CDH12: variants seen among roughly 807,000 people sequenced by gnomAD.
The protein encoded by CDH12 is cadherin-12.
A neutral mutation model predicts 74.1 loss-of-function variants in CDH12; 41 were observed. That is an observed-to-expected ratio of 0.55 (90% CI 0.43 to 0.72). The LOEUF (loss-of-function observed/expected upper bound fraction) is 0.72, where lower values mean the gene tolerates loss of function less well. CDH12 is among the 30% of genes least tolerant of loss of function. The pLI is 0.00. For synonymous variants in CDH12, 399 were observed against 355.0 expected, an observed-to-expected ratio of 1.12 and a Z score of -1.39; for missense variants, 945 against 977.2, an observed-to-expected ratio of 0.97 and a Z score of 0.44.
At chr5:22,573,993 T>C (rs1739659427) in intron 1 of CDH12, among the ~76,000 whole-genome samples, 1 of 151,864 alleles carries the variant, frequency 6.6e-6, no homozygotes, top group South Asian at 2.1e-4. Context: ...TTTGCTGTGG[T>C]CTCCTGTGCA....
chr5:22,718,878 C>T (rs549001601), intron 1 of CDH12, among the ~76,000 whole-genome samples: 13 of 152,298 alleles, frequency 8.5e-5, no homozygotes, highest in Non-Finnish European at 1.5e-4. Context: ...GGGAGAATGA[C>T]TGGAAGCTCT....
intron 2 of CDH12, among the ~76,000 whole-genome samples, chr5:22,443,376 T>C (rs1263588314): frequency 2.6e-5 from 4 of 152,144 alleles, no homozygotes; most frequent in African/African-American, 7.2e-5. Context: ...GATAAGCTCA[T>C]AGTGACTTGT....
chr5:22,808,762 G>GT (rs70959757), intron 1 of CDH12, among the ~76,000 whole-genome samples: 39 of 41,726 alleles, frequency 9.3e-4, no homozygotes, highest in East Asian at 4.0e-3. Context: ...ACCACACCTG[G>GT]TTTTTTTTTT....
chr5:21,952,068 T>C (rs1049750021), intron 6 of CDH12, among the ~76,000 whole-genome samples: 17 of 152,242 alleles, frequency 1.1e-4, no homozygotes, highest in African/African-American at 4.1e-4. Context: ...AGGCAGTTTA[T>C]GTAAATCATC....
At chr5:22,737,452 C>A (rs189505770) in intron 1 of CDH12, among the ~76,000 whole-genome samples, 4 of 151,932 alleles carry the variant, frequency 2.6e-5, no homozygotes, top group Admixed American at 2.6e-4. Context: ...ACTGATTTAA[C>A]TGATTAAAAG....
intron 2 of CDH12, among the ~76,000 whole-genome samples, chr5:22,417,368 G>C (rs1458442962): frequency 6.6e-6 from 1 of 152,140 alleles, no homozygotes; most frequent in Non-Finnish European, 1.5e-5. Context: ...CAATTACTGG[G>C]GGACTGGATA....
chr5:21,840,334 G>A (rs929858790), intron 8 of CDH12, among the ~76,000 whole-genome samples: 1 of 151,930 alleles, frequency 6.6e-6, no homozygotes, highest in Non-Finnish European at 1.5e-5. Context: ...AAAATTGATA[G>A]CATAAGACCA....
At chr5:22,801,850 T>G (rs1404917853) in intron 1 of CDH12, among the ~76,000 whole-genome samples, 6 of 151,392 alleles carry the variant, frequency 4.0e-5, no homozygotes, top group African/African-American at 1.5e-4. Context: ...TCAGTTTGCT[T>G]GGGCCATTTT....
At chr5:22,302,789 T>G in intron 3 of CDH12, among the ~76,000 whole-genome samples, 1 of 152,070 alleles carries the variant, frequency 6.6e-6, no homozygotes, top group East Asian at 1.9e-4. Flanking sequence ...TGAAAGAGAA[T>G]AATTCTTTAA....
chr5:22,696,744 AC>A (rs1338783934), intron 1 of CDH12, among the ~76,000 whole-genome samples: 1 of 152,104 alleles, frequency 6.6e-6, no homozygotes, highest in Non-Finnish European at 1.5e-5. Flanking sequence ...ACCAATACAT[AC>A]TTCAGTATGC....
chr5:22,174,653 C>T (rs564891717), intron 4 of CDH12, among the ~76,000 whole-genome samples: 130 of 151,886 alleles, frequency 8.6e-4, no homozygotes, highest in East Asian at 2.3e-3. Context: ...AAGTGAACCA[C>T]GGGAATCAGT....
intron 1 of CDH12, among the ~76,000 whole-genome samples, chr5:22,753,922 C>T (rs1056082330): frequency 6.6e-5 from 10 of 152,184 alleles, no homozygotes; most frequent in African/African-American, 2.4e-4. Context: ...ATTATTATGC[C>T]TATTCCTTCA....
chr5:22,345,034 G>C (rs749912475), intron 3 of CDH12, among the ~76,000 whole-genome samples: 1 of 152,236 alleles, frequency 6.6e-6, no homozygotes, highest in East Asian at 1.9e-4. Flanking sequence ...GTGTTCTGAC[G>C]AACTTTGATT....
At chr5:22,090,163 C>T (rs1271332405) in intron 4 of CDH12, among the ~76,000 whole-genome samples, 1 of 151,554 alleles carries the variant, frequency 6.6e-6, no homozygotes, top group East Asian at 1.9e-4. Context: ...ATAATTATTA[C>T]AAAAAATGAA....
chr5:21,776,044 A>G (rs761707401), intron 11 of CDH12, among the ~76,000 whole-genome samples: 8 of 152,202 alleles, frequency 5.3e-5, no homozygotes, highest in Non-Finnish European at 1.0e-4. Flanking sequence ...GGAAAAGAGG[A>G]GATGTCATTT....
chr5:21,934,520 A>G (rs1754984650), intron 6 of CDH12, among the ~76,000 whole-genome samples: 1 of 152,244 alleles, frequency 6.6e-6, no homozygotes, highest in Admixed American at 6.5e-5. Context: ...ATCAATGCAT[A>G]AATGGGGATA....
At chr5:22,493,579 T>A (rs901601130) in intron 2 of CDH12, among the ~76,000 whole-genome samples, 134 of 1,404 alleles carry the variant, frequency 0.095, 4 homozygotes, top group South Asian at 0.35. Flanking sequence ...TTTGAAAAAT[T>A]TTTTTTTTTG....
At chr5:22,342,596 TCTC>T (rs1739906133) in intron 3 of CDH12, among the ~76,000 whole-genome samples, 1 of 54,794 alleles carries the variant, frequency 1.8e-5, no homozygotes, top group African/African-American at 5.6e-5. Context: ...CCTTCCTTTC[TCTC>T]TTTCTTACTT....
chr5:22,189,000 C>T (rs900096473), intron 4 of CDH12, among the ~76,000 whole-genome samples: 1 of 152,140 alleles, frequency 6.6e-6, no homozygotes, highest in African/African-American at 2.4e-5. Context: ...AGATGCAATG[C>T]TGAAAATGCT....
Sources: gnomAD v4.1 joint callset for allele counts (sites outside exome capture counted in the v4.1 genomes callset) on GRCh38, gnomAD v4.1.1 for gene constraint, MANE v1.5 for transcripts, NCBI Gene and HGNC (gene_info 2026-07-23, HGNC 2026-07-21) for gene names.